SEMA5A: variants seen among roughly 807,000 people sequenced by gnomAD.
SEMA5A encodes the protein semaphorin-5A.
Under a neutral mutation model 135.5 loss-of-function variants are expected in SEMA5A, and 55 were observed. The ratio of observed to expected loss-of-function variants is 0.41; its 90% CI spans 0.33 to 0.51. The LOEUF (loss-of-function observed/expected upper bound fraction) is 0.51, where lower values mean the gene tolerates loss of function less well. SEMA5A is among the 20% of genes least tolerant of loss of function. The pLI is 0.37. For missense variants in SEMA5A, 1,290 were observed against 1,419.9 expected, an observed-to-expected ratio of 0.91 and a Z score of 1.47; for synonymous variants, 580 against 546.5, an observed-to-expected ratio of 1.06 and a Z score of -0.85.
intron 11 of SEMA5A, among the ~76,000 whole-genome samples, chr5:9,157,028 G>C (rs1246748629): frequency 6.6e-6 from 1 of 152,208 alleles, no homozygotes; most frequent in Admixed American, 6.5e-5. Flanking sequence ...AAACTACAGG[G>C]CTTAGCATTT....
At chr5:9,525,686 G>A (rs1579686411) in intron 1 of SEMA5A, among the ~76,000 whole-genome samples, 1 of 152,166 alleles carries the variant, frequency 6.6e-6, no homozygotes, top group East Asian at 1.9e-4. Context: ...TTGGTTCCAG[G>A]TCCTGTCCCT....
chr5:9,481,011 T>C (rs570238087), intron 1 of SEMA5A, among the ~76,000 whole-genome samples: 6 of 152,266 alleles, frequency 3.9e-5, no homozygotes, highest in Non-Finnish European at 8.8e-5. Context: ...AGTGGCATGA[T>C]CTTGGCTCAC....
At position 9,065,990 on chromosome 5, in the gene SEMA5A, A is replaced by G. The variant is rs10073346; in HGVS notation, c.2299+431T>C. ...CACAATGTGCTTTTTAAAAACAGAA[A>G]CATCCTTTTATAGGTACAAAGAGAA... is the stretch of plus-strand genomic sequence containing the variant. On this transcript the variant is annotated intron_variant, in intron 17 of 22. Coordinates refer to ENST00000382496, the MANE Select transcript of SEMA5A (RefSeq NM_003966.3). Among the ~76,000 whole-genome samples the G allele has an allele frequency of 1.9e-3, 293 of 152,356 alleles. 3 individuals are homozygous for G. The highest frequency in any genetic ancestry group is 6.7e-3 in the African/African-American group (280 of 41,590).
chr5:9,345,569 T>TCTGA (rs1417562092), intron 3 of SEMA5A, among the ~76,000 whole-genome samples: 2 of 150,496 alleles, frequency 1.3e-5, no homozygotes, highest in Non-Finnish European at 2.9e-5. Flanking sequence ...GACCACATTA[T>TCTGA]CTGAGCACAT....
At chr5:9,185,796 G>T (rs73740381) in intron 11 of SEMA5A, among the ~76,000 whole-genome samples, 6 of 152,330 alleles carry the variant, frequency 3.9e-5, no homozygotes, top group African/African-American at 1.4e-4. Flanking sequence ...CTAGAAGGGA[G>T]AATAGAAAGC....
intron 3 of SEMA5A, among the ~76,000 whole-genome samples, chr5:9,342,298 C>T (rs1753687294): frequency 6.6e-6 from 1 of 152,116 alleles, no homozygotes; most frequent in African/African-American, 2.4e-5. Flanking sequence ...AGAGCCACTC[C>T]ACATGCTAAC....
chr5:9,242,264 C>T (rs1037596852), intron 5 of SEMA5A, among the ~76,000 whole-genome samples: 1 of 152,134 alleles, frequency 6.6e-6, no homozygotes, highest in Non-Finnish European at 1.5e-5. Flanking sequence ...GACATCTTTG[C>T]TAATTATAAT....
In SEMA5A at chr5:9,353,098, G is replaced by GAAAGGAAAGGGAAAGGA. The variant is rs1378151075; in HGVS notation, c.125-15287_125-15286insTCCTTTCCCTTTCCTTT. On this transcript the variant is annotated intron_variant, in intron 3 of 22. Transcript: ENST00000382496. ...GGAAAGGAAAGGAAAGGAAAGGAAG[G>GAAAGGAAAGGGAAAGGA]AAGGAAAGGAAAGGAAAGGAAAGGA... Among the ~76,000 whole-genome samples the GAAAGGAAAGGGAAAGGA allele has an allele frequency of 5.5e-4, 12 of 21,790 alleles. 1 individual carries two copies. Among genetic ancestry groups the GAAAGGAAAGGGAAAGGA allele is most frequent in the African/African-American group, 2.3e-3 (9 of 3,978 alleles). The allele number at this position is 21,790 out of a possible 152,430, so 14.3% of individuals were successfully genotyped here.
Position 9,095,293 on chromosome 5 carries a change from T to C in SEMA5A, c.2073+12847A>G, listed in dbSNP as rs560182702. 2.6e-5 allele frequency among the ~76,000 whole-genome samples: 4 copies of C among 152,190 alleles called. No individual in the cohort carries two copies. The South Asian group carries it at 8.3e-4, about 32-fold the overall frequency. ...GGATAGCATTAGGAGGAACACCTAA[T>C]GTAGATGATGGGTTGATGGGTGCAG... On this transcript the variant is annotated intron_variant, in intron 16 of 22. Coordinates refer to ENST00000382496, the MANE Select transcript of SEMA5A (RefSeq NM_003966.3).
At chr5:9,263,447 C>G (rs1749512699) in intron 5 of SEMA5A, among the ~76,000 whole-genome samples, 2 of 152,176 alleles carry the variant, frequency 1.3e-5, no homozygotes, top group Non-Finnish European at 2.9e-5. Flanking sequence ...GTTATCTACT[C>G]TTTATGGGAC....
chr5:9,077,704 T>C (rs1448381016), intron 16 of SEMA5A, among the ~76,000 whole-genome samples: 5 of 152,210 alleles, frequency 3.3e-5, no homozygotes, highest in Non-Finnish European at 7.3e-5. Flanking sequence ...AGGTCTCACC[T>C]GGGTAACTGA....
At chr5:9,065,489 C>T (rs572502956) in intron 17 of SEMA5A, among the ~76,000 whole-genome samples, 1 of 152,332 alleles carries the variant, frequency 6.6e-6, no homozygotes, top group South Asian at 2.1e-4. Context: ...TAAAAGACCC[C>T]TTCTCTGTAA....
intron 1 of SEMA5A, among the ~76,000 whole-genome samples, chr5:9,486,609 G>T (rs1420130478): frequency 2.0e-5 from 3 of 151,810 alleles, no homozygotes; most frequent in Non-Finnish European, 2.9e-5. Context: ...TTCTAGAGGG[G>T]AAGAACAAAG....
chr5:9,282,605 A>G (rs1229884107), intron 5 of SEMA5A, among the ~76,000 whole-genome samples: 1 of 152,172 alleles, frequency 6.6e-6, no homozygotes, highest in African/African-American at 2.4e-5. Context: ...AGAAAATAAG[A>G]AAAAAACAGT....
intron 1 of SEMA5A, among the ~76,000 whole-genome samples, chr5:9,464,107 C>G (rs539156687): frequency 2.0e-5 from 3 of 152,132 alleles, no homozygotes; most frequent in Non-Finnish European, 4.4e-5. Context: ...CCACAAGACA[C>G]CAGCAGCAGC....
At chr5:9,316,425 C>T (rs528420567) in intron 5 of SEMA5A, among the ~76,000 whole-genome samples, 5 of 152,158 alleles carry the variant, frequency 3.3e-5, no homozygotes, top group South Asian at 2.1e-4. Flanking sequence ...TCTCAGCTGA[C>T]GGAGCTAGCA....
intron 16 of SEMA5A, among the ~76,000 whole-genome samples, chr5:9,083,808 T>C (rs1321955949): frequency 6.6e-6 from 1 of 152,226 alleles, no homozygotes; most frequent in African/African-American, 2.4e-5. Context: ...CAAGAGGGAC[T>C]TAGTGTTACA....
At chr5:9,472,007 T>G (rs1443865887) in intron 1 of SEMA5A, among the ~76,000 whole-genome samples, 1 of 152,262 alleles carries the variant, frequency 6.6e-6, no homozygotes, top group Non-Finnish European at 1.5e-5. Context: ...CTACATTTTT[T>G]TATTATACTT....
intron 5 of SEMA5A, among the ~76,000 whole-genome samples, chr5:9,242,679 C>T (rs976049835): frequency 2.0e-4 from 30 of 152,046 alleles, no homozygotes; most frequent in African/African-American, 6.3e-4. Context: ...ACTGCTCGGG[C>T]GATGGGTGCA....
Sources: gnomAD v4.1 joint callset for allele counts (sites outside exome capture counted in the v4.1 genomes callset) on GRCh38, gnomAD v4.1.1 for gene constraint, MANE v1.5 for transcripts, NCBI Gene and HGNC (gene_info 2026-07-23, HGNC 2026-07-21) for gene names.